Variants in ARHGAP26 observed in about 807,000 individuals in gnomAD.
ARHGAP26 encodes the protein Rho GTPase activating protein 26.
ARHGAP26 carries 38 observed loss-of-function variants against 104.8 expected under a neutral mutation model. The ratio of observed to expected loss-of-function variants is 0.36; its 90% confidence interval spans 0.28 to 0.48. The LOEUF is 0.48. Ranked by LOEUF, ARHGAP26 falls within the 20% of genes least tolerant of loss-of-function variation. ARHGAP26 has a pLI of 0.99. For synonymous variants in ARHGAP26, 341 were observed against 340.0 expected (o/e 1.00, Z -0.03); for missense variants, 704 against 947.9 (o/e 0.74, Z 3.38).
chr5:143,013,156 A>G (rs186647864), intron 11 of ARHGAP26, among the ~76,000 whole-genome samples: 2 of 152,320 alleles, frequency 1.3e-5, no homozygotes, highest in Admixed American at 1.3e-4. Flanking sequence ...TAAGCTAAAT[A>G]TCAACCTCTC....
In ARHGAP26 at chr5:142,875,191, T is replaced by G; in HGVS notation, c.312+20T>G. On this transcript the variant is annotated intron_variant, in intron 3 of 22. Coordinates refer to ENST00000645722, the MANE Select transcript of ARHGAP26 (RefSeq NM_001135608.3). ...CGGATGGTGAGTAGGGCTGGGCTACTCTTGGTCCCAGATAGTATATTCGTG... is the reference window on the plus strand; with the variant it reads ...CGGATGGTGAGTAGGGCTGGGCTACGCTTGGTCCCAGATAGTATATTCGTG... 6.2e-7 allele frequency: 1 copy of G among 1,613,272 alleles called. No homozygotes were observed. The highest frequency in any genetic ancestry group is 8.5e-7 in the Non-Finnish European group (1 of 1,179,248).
chr5:143,092,284 C>T (rs1482442052), intron 17 of ARHGAP26, among the ~76,000 whole-genome samples: 1 of 151,950 alleles, frequency 6.6e-6, no homozygotes, highest in East Asian at 1.9e-4. Flanking sequence ...CTGCCTCGGC[C>T]TCCTGAGCAG....
chr5:142,950,287 T>C (rs1768112921), intron 11 of ARHGAP26, among the ~76,000 whole-genome samples: 1 of 152,148 alleles, frequency 6.6e-6, no homozygotes, highest in South Asian at 2.1e-4. Context: ...TTCAGTCTCA[T>C]CATGGGGTTT....
intron 11 of ARHGAP26, among the ~76,000 whole-genome samples, chr5:142,934,517 C>T (rs753107932): frequency 6.6e-6 from 1 of 152,172 alleles, no homozygotes; most frequent in Non-Finnish European, 1.5e-5. Context: ...TCTCCCATTG[C>T]TGAAAGCCTC....
chr5:143,050,866 A>C (rs1784914445), intron 14 of ARHGAP26, among the ~76,000 whole-genome samples: 1 of 152,190 alleles, frequency 6.6e-6, no homozygotes, highest in Admixed American at 6.5e-5. Flanking sequence ...GAAGAAACAC[A>C]GAGATGGAAG....
rs1307713804 is a variant in ARHGAP26 at position 142,879,260 on chromosome 5, C to A, written c.313-114C>A. On this transcript the variant is annotated intron_variant, in intron 3 of 22. Transcript: ENST00000645722. ...TAAACAGTTGACATGTACAACACTG[C>A]CTCCCCAAATTTTATTTTAAGACAT... 8 of 931,532 alleles carry A rather than the reference C, an allele frequency of 8.6e-6. No individual in the cohort carries two copies. The East Asian group carries it at 1.9e-4, about 22-fold the overall frequency. The allele number at this position is 931,532 out of a possible 1,614,324, so 57.7% of individuals were successfully genotyped here.
intron 11 of ARHGAP26, among the ~76,000 whole-genome samples, chr5:142,996,497 A>G (rs1342363008): frequency 6.6e-6 from 1 of 152,200 alleles, no homozygotes; most frequent in African/African-American, 2.4e-5. Context: ...TGTCTTGAAA[A>G]TTAAAAAAAG....
At position 142,932,134 on chromosome 5, in the gene ARHGAP26, C is replaced by A; in HGVS notation, c.1107+9C>A. On this transcript the variant is annotated intron_variant, in intron 11 of 22. Transcript: ENST00000645722. ...TGGATGGCCGGGAACCTGTAAGTAACAATTCAGGGAAGTAGAGCAAGAATG... is the reference window on the plus strand; with the variant it reads ...TGGATGGCCGGGAACCTGTAAGTAAAAATTCAGGGAAGTAGAGCAAGAATG... 1 of 1,613,374 alleles carries A rather than the reference C, an allele frequency of 6.2e-7. No homozygotes were observed. The highest frequency in any genetic ancestry group is 8.5e-7 in the Non-Finnish European group (1 of 1,179,320).
At chr5:143,061,470 A>G (rs1786699598) in intron 17 of ARHGAP26, among the ~76,000 whole-genome samples, 1 of 152,210 alleles carries the variant, frequency 6.6e-6, no homozygotes, top group South Asian at 2.1e-4. Context: ...TATTAAAAAT[A>G]CCTTTTCACA....
chr5:143,067,514 AG>A (rs1787671779), intron 17 of ARHGAP26, among the ~76,000 whole-genome samples: 1 of 152,218 alleles, frequency 6.6e-6, no homozygotes, highest in Admixed American at 6.5e-5. Flanking sequence ...ACAAAAGTTC[AG>A]GGGGTTTGAA....
intron 5 of ARHGAP26, among the ~76,000 whole-genome samples, chr5:142,887,959 T>A (rs1214287936): frequency 6.6e-6 from 1 of 151,946 alleles, no homozygotes; most frequent in Admixed American, 6.6e-5. Context: ...AGTGAGACTC[T>A]TTCTCAAAAA....
At chr5:143,048,258 T>C (rs139615323) in intron 14 of ARHGAP26, among the ~76,000 whole-genome samples, 1 of 152,248 alleles carries the variant, frequency 6.6e-6, no homozygotes, top group Admixed American at 6.5e-5. Context: ...TTTGTTTTTG[T>C]TGTCTTATGA....
At chr5:143,221,008 C>T (rs1288122280) in intron 22 of ARHGAP26, among the ~76,000 whole-genome samples, 2 of 152,222 alleles carry the variant, frequency 1.3e-5, no homozygotes, top group African/African-American at 4.8e-5. Context: ...AATCTATTCT[C>T]TCCAAATAAT....
intron 9 of ARHGAP26, 48 bp from the exon 10 acceptor site, chr5:142,913,151 A>G (rs1316298998): frequency 6.8e-7 from 1 of 1,475,756 alleles, no homozygotes; most frequent in Non-Finnish European, 9.5e-7. Flanking sequence ...TGGGAGGAGT[A>G]GAGCTCCCAT....
At chr5:142,905,717 G>A (rs531504747) in intron 8 of ARHGAP26, among the ~76,000 whole-genome samples, 40 of 152,246 alleles carry the variant, frequency 2.6e-4, no homozygotes, top group Middle Eastern at 6.8e-3. Flanking sequence ...TTAGGTTGGT[G>A]CAAGAGTAAT....
At chr5:143,185,819 C>T (rs951901976) in intron 20 of ARHGAP26, among the ~76,000 whole-genome samples, 6 of 152,170 alleles carry the variant, frequency 3.9e-5, no homozygotes, top group Non-Finnish European at 8.8e-5. Context: ...ACAAGGCTGG[C>T]GAGCAGAGGA....
intron 11 of ARHGAP26, among the ~76,000 whole-genome samples, chr5:142,991,823 A>G (rs925022004): frequency 2.6e-5 from 4 of 152,182 alleles, no homozygotes; most frequent in African/African-American, 7.2e-5. Flanking sequence ...TAGGGCAACA[A>G]AATTGCCTAA....
chr5:143,147,228 C>T lies in ARHGAP26; in HGVS notation c.1838-3C>T, dbSNP rs775603689. On this transcript the variant is annotated splice_region_variant and splice_polypyrimidine_tract_variant and intron_variant, in intron 19 of 22. Transcript: ENST00000645722. ...TATGGGACTTGTGGCTTTTCCCCCC[C>T]AGAGGAACAAAGGAACAGCATCATC... is the stretch of plus-strand genomic sequence containing the variant. 8 of 1,613,570 alleles carry T rather than the reference C, an allele frequency of 5.0e-6. No homozygotes were observed. The highest frequency in any genetic ancestry group is 3.3e-5 in the South Asian group (3 of 91,010).
intron 1 of ARHGAP26, among the ~76,000 whole-genome samples, chr5:142,796,521 A>G (rs1761018903): frequency 6.6e-6 from 1 of 152,262 alleles, no homozygotes; most frequent in Non-Finnish European, 1.5e-5. Flanking sequence ...TGGTGGGCAA[A>G]GTGAATCAAG....
Sources: gnomAD v4.1 joint callset for allele counts (sites outside exome capture counted in the v4.1 genomes callset) on GRCh38, gnomAD v4.1.1 for gene constraint, MANE v1.5 for transcripts, NCBI Gene and HGNC (gene_info 2026-07-23, HGNC 2026-07-21) for gene names.